GNG7: variants seen among roughly 807,000 people sequenced by gnomAD.
GNG7 encodes the protein guanine nucleotide-binding protein G(I)/G(S)/G(O) subunit gamma-7.
GNG7 carries 1 observed loss-of-function variant against 4.0 expected under a neutral mutation model. The observed-to-expected ratio is 0.25, with a 90% confidence interval of 0.09 to 1.18. The LOEUF is 1.18. Ranked by LOEUF, GNG7 falls within the 50% of genes most tolerant of loss-of-function variation. The pLI, the probability that GNG7 is intolerant of heterozygous loss-of-function variation, is 0.50. For synonymous variants in GNG7, 34 were observed against 36.9 expected, an observed-to-expected ratio of 0.92 and a Z score of 0.29; for missense variants, 86 against 91.9, an observed-to-expected ratio of 0.94 and a Z score of 0.26.
Position 2,546,651 on chromosome 19 carries a change from C to T in GNG7, c.-38+8498G>A, listed in dbSNP as rs914142734. ...GGCAGGTCCCGCCGCTGCCTTCAGC[C>T]GGAGCTTGGAGCCTAAGAATGAGCC... On this transcript the variant is annotated intron_variant, in intron 3 of 4. Transcript: ENST00000382159. This position sits in a 1 kb window ranked among gnomAD's most constrained non-coding sequence, Gnocchi z 6.3. 1.6e-4 allele frequency among the ~76,000 whole-genome samples: 24 copies of T among 152,238 alleles called. No individual in the cohort carries two copies. Among genetic ancestry groups the T allele is most frequent in the Non-Finnish European group, 8.8e-5 (6 of 68,016 alleles).
At position 2,558,252 on chromosome 19, in the gene GNG7, T is replaced by TTTTG. The variant is rs776760201; in HGVS notation, c.-77-3065_-77-3064insCAAA. On this transcript the variant is annotated intron_variant, in intron 2 of 4. Transcript: ENST00000382159. The stretch of plus-strand genomic sequence containing the variant: ...CGTGTTTTTTTGTTTTTGTTTTTGT[T>TTTTG]TTTTTTTTGAGATAGGGTCTGTTAC... 2.2e-3 allele frequency among the ~76,000 whole-genome samples: 334 copies of TTTTG among 148,676 alleles called. 1 individual carries two copies. Among genetic ancestry groups the TTTTG allele is most frequent in the African/African-American group, 6.6e-3 (268 of 40,720 alleles).
intron 1 of GNG7, among the ~76,000 whole-genome samples, chr19:2,668,411 G>A (rs1983365772): frequency 6.6e-6 from 1 of 151,888 alleles, no homozygotes; most frequent in African/African-American, 2.4e-5. Context: ...GGAAATTTGC[G>A]CTTATGAAAA....
chr19:2,602,192 C>T (rs1014701614), intron 2 of GNG7, among the ~76,000 whole-genome samples: 2 of 152,170 alleles, frequency 1.3e-5, no homozygotes, highest in African/African-American at 4.8e-5. Flanking sequence ...CAAAAATTAG[C>T]CGGGCGTGGT....
intron 1 of GNG7, among the ~76,000 whole-genome samples, chr19:2,696,306 GAAA>G (rs1913251550): frequency 8.2e-6 from 1 of 121,744 alleles, no homozygotes; most frequent in Non-Finnish European, 1.7e-5. Flanking sequence ...AAGAAAGAAA[GAAA>G]GAAAGAAAGA....
chr19:2,614,966 TG>T lies in GNG7; in HGVS notation c.-78+31257del, dbSNP rs1401131153. ...GGCACTGAGGCAGGAGGCAGGCAGCTGATTGTTGAAGGTCACCCCGTAGCCA... is the reference window on the plus strand; with the variant it reads ...GGCACTGAGGCAGGAGGCAGGCAGCTATTGTTGAAGGTCACCCCGTAGCCA... On this transcript the variant is annotated intron_variant, in intron 2 of 4. Coordinates refer to ENST00000382159, the MANE Select transcript of GNG7 (RefSeq NM_052847.3). This position sits in a 1 kb window ranked among gnomAD's most constrained non-coding sequence, Gnocchi z 6.0. 6.6e-6 allele frequency among the ~76,000 whole-genome samples: 1 copy of T among 152,192 alleles called. No individual in the cohort carries two copies.
At chr19:2,582,888 C>T (rs915136494) in intron 2 of GNG7, among the ~76,000 whole-genome samples, 17 of 151,956 alleles carry the variant, frequency 1.1e-4, no homozygotes, top group Admixed American at 3.3e-4. Context: ...AGGATGGTCT[C>T]GATCTCTTGA....
At chr19:2,550,612 G>A (rs1235090521) in intron 3 of GNG7, among the ~76,000 whole-genome samples, 1 of 152,206 alleles carries the variant, frequency 6.6e-6, no homozygotes, top group Non-Finnish European at 1.5e-5. Context: ...GCTCTGAGGG[G>A]CTTGTGCAGA....
At chr19:2,661,670 TAAAAAAAAAAA>T (rs57483197) in intron 1 of GNG7, among the ~76,000 whole-genome samples, 5 of 108,650 alleles carry the variant, frequency 4.6e-5, no homozygotes, top group African/African-American at 1.4e-4. Flanking sequence ...GAGACTCCAT[TAAAAAAAAAAA>T]AAAAAAAAAA....
intron 3 of GNG7, among the ~76,000 whole-genome samples, chr19:2,542,107 CTTTTTTT>C (rs1175526574): frequency 4.2e-4 from 27 of 64,566 alleles, no homozygotes; most frequent in African/African-American, 1.1e-3. Flanking sequence ...GCTGTGTGTT[CTTTTTTT>C]TTTTTTTTTT....
Position 2,513,074 on chromosome 19 carries a change from G to A in GNG7, c.*1948C>T, listed in dbSNP as rs921294837. On this transcript the variant is annotated 3_prime_UTR_variant, in exon 5 of 5. Coordinates refer to ENST00000382159, the MANE Select transcript of GNG7 (RefSeq NM_052847.3). ...GCTGGGTGCCGGGGGTGGGGAGCCCGGCTGTGGCCTGTGGGAGCTGCCCGA... is the reference window on the plus strand; with the variant it reads ...GCTGGGTGCCGGGGGTGGGGAGCCCAGCTGTGGCCTGTGGGAGCTGCCCGA... 1.3e-4 allele frequency: 129 copies of A among 985,438 alleles called. No homozygotes were observed. Among genetic ancestry groups the A allele is most frequent in the Non-Finnish European group, 1.5e-4 (124 of 830,046 alleles). The allele number at this position is 985,438 out of a possible 1,614,324, so 61.0% of individuals were successfully genotyped here. A position where few individuals can be genotyped will look rare whatever the true frequency, so the allele number is the denominator to read the frequency against.
intron 1 of GNG7, among the ~76,000 whole-genome samples, chr19:2,669,405 G>T (rs1215619790): frequency 6.6e-6 from 1 of 151,996 alleles, no homozygotes; most frequent in Non-Finnish European, 1.5e-5. Context: ...CAAGAGAATC[G>T]CTTGAACCCA....
At chr19:2,668,444 A>G (rs1307856352) in intron 1 of GNG7, among the ~76,000 whole-genome samples, 1 of 152,164 alleles carries the variant, frequency 6.6e-6, no homozygotes, top group African/African-American at 2.4e-5. Flanking sequence ...TGGGGGAACC[A>G]GTGGCTGGGC....
chr19:2,694,996 G>T (rs1913211456), intron 1 of GNG7, among the ~76,000 whole-genome samples: 1 of 151,932 alleles, frequency 6.6e-6, no homozygotes, highest in Non-Finnish European at 1.5e-5. Context: ...CAATACAGGG[G>T]GACCTCCACG....
In GNG7 at chr19:2,614,105, G is replaced by T. The variant is rs1341418009; in HGVS notation, c.-78+32119C>A. Reference sequence around the variant, plus strand: ...GGTGGGTCCGTTGCAGGCGTCTGTTGCGAGACCACATCCTCACCACCCGGT... The same window carrying T: ...GGTGGGTCCGTTGCAGGCGTCTGTTTCGAGACCACATCCTCACCACCCGGT... On this transcript the variant is annotated intron_variant, in intron 2 of 4. Transcript: ENST00000382159. The surrounding 1 kb of genome is among the most constrained non-coding windows in gnomAD (Gnocchi z 6.0). 6.6e-6 allele frequency among the ~76,000 whole-genome samples: 1 copy of T among 152,216 alleles called. No homozygotes were observed. Among genetic ancestry groups the T allele is most frequent in the Non-Finnish European group, 1.5e-5 (1 of 68,026 alleles).
intron 2 of GNG7, among the ~76,000 whole-genome samples, chr19:2,624,984 C>T (rs1232814210): frequency 1.3e-5 from 2 of 152,244 alleles, no homozygotes; most frequent in African/African-American, 4.8e-5. Context: ...AGCCGGACCC[C>T]AGGCAGGGGT....
At chr19:2,674,887 T>C (rs905228622) in intron 1 of GNG7, among the ~76,000 whole-genome samples, 1 of 152,168 alleles carries the variant, frequency 6.6e-6, no homozygotes, top group Non-Finnish European at 1.5e-5. Context: ...TTCTACATAG[T>C]CAAGTTTGAA....
intron 3 of GNG7, among the ~76,000 whole-genome samples, chr19:2,550,823 G>C (rs1185749382): frequency 6.6e-6 from 1 of 152,220 alleles, no homozygotes; most frequent in Non-Finnish European, 1.5e-5. Context: ...AATTGGAGCA[G>C]TGGACCTGGC....
chr19:2,681,430 G>A (rs1015126992), intron 1 of GNG7, among the ~76,000 whole-genome samples: 23 of 152,010 alleles, frequency 1.5e-4, no homozygotes, highest in Non-Finnish European at 1.0e-4. Context: ...TGATCCGCCC[G>A]CCTCGGCCTC....
At chr19:2,654,072 C>G (rs1469630287) in intron 1 of GNG7, among the ~76,000 whole-genome samples, 3 of 151,798 alleles carry the variant, frequency 2.0e-5, no homozygotes, top group Admixed American at 6.6e-5. Flanking sequence ...TCTTTTGAGA[C>G]TCTGCATATG....
Sources: gnomAD v4.1 joint callset for allele counts (sites outside exome capture counted in the v4.1 genomes callset) on GRCh38, gnomAD v4.1.1 for gene constraint, Gnocchi (gnomAD v3.1) non-coding constraint, MANE v1.5 for transcripts, NCBI Gene and HGNC (gene_info 2026-07-23, HGNC 2026-07-21) for gene names.